Variants in CALB1 observed in about 807,000 individuals in gnomAD.
CALB1 encodes the protein calbindin.
A neutral mutation model predicts 46.7 loss-of-function variants in CALB1; 16 were observed. The ratio of observed to expected loss-of-function variants is 0.34; its 90% CI spans 0.23 to 0.52. The LOEUF is 0.52. Among genes scored for constraint, CALB1 ranks in the 20% least tolerant of loss-of-function variants. The pLI is 0.95. For synonymous variants in CALB1, 90 were observed against 112.8 expected, an observed-to-expected ratio of 0.80 and a Z score of 1.28; for missense variants, 224 against 300.3, an observed-to-expected ratio of 0.75 and a Z score of 1.88.
chr8:90,060,615 G>A lies in CALB1; in HGVS notation c.672+14C>T. ...GTCTGCTTAAAGAAGTAAGTGCCATGGTAACTAAGTTACCTGTTTATTCTT... is the reference window on the plus strand; with the variant it reads ...GTCTGCTTAAAGAAGTAAGTGCCATAGTAACTAAGTTACCTGTTTATTCTT... On this transcript the variant is annotated intron_variant, in intron 10 of 10. Transcript: ENST00000265431. The A allele has an allele frequency of 1.2e-6, 2 of 1,605,416 alleles. No individual in the cohort carries two copies. The highest frequency in any genetic ancestry group is 2.2e-5 in the East Asian group (1 of 44,810).
At chr8:90,072,734 G>A (rs965843242) in intron 3 of CALB1, among the ~76,000 whole-genome samples, 5 of 152,166 alleles carry the variant, frequency 3.3e-5, no homozygotes, top group African/African-American at 1.2e-4. Flanking sequence ...GAGGTGTTAA[G>A]TAGAGTTGCT....
intron 1 of CALB1, 119 bp downstream of exon 1, chr8:90,082,500 G>C: frequency 1.2e-6 from 1 of 824,858 alleles, no homozygotes; most frequent in Non-Finnish European, 2.1e-6. Flanking sequence ...TAGGCAGAAG[G>C]GGGAAGAAGT....
In CALB1 at chr8:90,058,880, CTG is replaced by C. The variant is rs1455723614; in HGVS notation, c.*1291_*1292del. ...ACGATCATTAACTCCTAGGCAGTAA[CTG>C]TAAATTTCACATGGACACATCTCTC... On this transcript the variant is annotated 3_prime_UTR_variant, in exon 11 of 11. Coordinates refer to ENST00000265431, the MANE Select transcript of CALB1 (RefSeq NM_004929.4). The C allele has an allele frequency of 6.6e-6, 1 of 152,158 alleles. No homozygotes were observed. The highest frequency in any genetic ancestry group is 1.5e-5 in the Non-Finnish European group (1 of 68,018). 9.4% of individuals were successfully genotyped at this position (152,158 alleles called of 1,614,324 possible). A position where few individuals can be genotyped will look rare whatever the true frequency, so the allele number is the denominator to read the frequency against.
At position 90,063,136 on chromosome 8, in the gene CALB1, C is replaced by T. The variant is rs748236538; in HGVS notation, c.564G>A (p.Gly188=). The T allele has an allele frequency of 3.7e-6, 6 of 1,608,296 alleles. No homozygotes were observed. In the East Asian group the frequency reaches 1.3e-4, roughly 36 times the overall value. ...GCTCAAAAGCCTTATTGAACTCTTT[C>T]CCACACATTTTGATTCCCTAAAGAT... ...LLKFQGIKMC[G]KEFNKAFELY... The change falls in exon 9 of 11, where the codon GGG becomes GGA. Residue 188 remains glycine (G), a synonymous_variant. Coordinates refer to ENST00000265431, the MANE Select transcript of CALB1 (RefSeq NM_004929.4).
At chr8:90,073,140 G>A (rs1370452447) in intron 3 of CALB1, among the ~76,000 whole-genome samples, 1 of 152,142 alleles carries the variant, frequency 6.6e-6, no homozygotes, top group East Asian at 1.9e-4. Context: ...ATATATAAAG[G>A]TAATTAACTA....
chr8:90,079,200 C>T lies in CALB1; in HGVS notation c.157-753G>A, dbSNP rs949366373. ...TCCTTGGGAAAGCAAATTAAGGTCTCGGTTTTCATCATAGCTAACAAGATG... is the reference window on the plus strand; with the variant it reads ...TCCTTGGGAAAGCAAATTAAGGTCTTGGTTTTCATCATAGCTAACAAGATG... On this transcript the variant is annotated intron_variant, in intron 2 of 10. Transcript: ENST00000265431. 4.6e-5 allele frequency among the ~76,000 whole-genome samples: 7 copies of T among 151,864 alleles called. No individual in the cohort carries two copies. The South Asian group carries it at 8.3e-4, about 18-fold the overall frequency.
intron 1 of CALB1, 189 bp downstream of exon 1, chr8:90,082,430 A>C: frequency 1.6e-6 from 1 of 627,564 alleles, no homozygotes; most frequent in South Asian, 2.0e-5. Context: ...TACGGTGGAA[A>C]CAATATAAAC....
chr8:90,076,200 C>G (rs570278606), intron 3 of CALB1, among the ~76,000 whole-genome samples: 33 of 152,194 alleles, frequency 2.2e-4, no homozygotes, highest in African/African-American at 7.0e-4. Context: ...CTCTGCAGAA[C>G]ACTTTGTGCA....
Position 90,081,981 on chromosome 8 carries a change from TG to T in CALB1, c.156+44del. 2.7e-6 allele frequency: 4 copies of T among 1,507,650 alleles called. No homozygotes were observed. In the South Asian group the frequency reaches 3.5e-5, roughly 13 times the overall value. 93.4% of individuals were successfully genotyped at this position (1,507,650 alleles called of 1,614,324 possible). A position where few individuals can be genotyped will look rare whatever the true frequency, so the allele number is the denominator to read the frequency against. On this transcript the variant is annotated intron_variant, in intron 2 of 10. Transcript: ENST00000265431. ...GTGAAAACACAAGAATGTTTTAATT[TG>T]GGGGTTAAAAGTCTTTTTTTCTTTT...
intron 3 of CALB1, among the ~76,000 whole-genome samples, chr8:90,075,504 C>G (rs974660568): frequency 1.3e-5 from 2 of 151,996 alleles, no homozygotes; most frequent in Non-Finnish European, 1.5e-5. Context: ...TCCTTTATAG[C>G]TGGCTAGAAT....
In CALB1 at chr8:90,078,595, G is replaced by A. The variant is rs557897075; in HGVS notation, c.157-148C>T. ...ATTAACTATTCTCAAAAAAATTAAA[G>A]GCATAACTGATACACAGTATTTATT... is the stretch of plus-strand genomic sequence containing the variant. On this transcript the variant is annotated intron_variant, in intron 2 of 10. Transcript: ENST00000265431. 3.6e-4 allele frequency: 199 copies of A among 555,388 alleles called. 1 individual carries two copies. The South Asian group carries it at 4.0e-3, about 11-fold the overall frequency. 34.4% of individuals were successfully genotyped at this position (555,388 alleles called of 1,614,324 possible). A position where few individuals can be genotyped will look rare whatever the true frequency, so the allele number is the denominator to read the frequency against.
chr8:90,080,546 G>T (rs1337868214), intron 2 of CALB1, among the ~76,000 whole-genome samples: 1 of 151,892 alleles, frequency 6.6e-6, no homozygotes, highest in African/African-American at 2.4e-5. Context: ...GATATATAAA[G>T]CTATAATGAC....
intron 3 of CALB1, among the ~76,000 whole-genome samples, chr8:90,075,574 T>G (rs940006427): frequency 6.6e-6 from 1 of 152,136 alleles, no homozygotes; most frequent in Non-Finnish European, 1.5e-5. Context: ...TATGTCAAAT[T>G]GGAAAAAGAA....
At chr8:90,061,632 T>C (rs1258286631) in intron 9 of CALB1, 2 of 151,966 alleles carry the variant, frequency 1.3e-5, no homozygotes, top group Non-Finnish European at 2.9e-5. Flanking sequence ...AAGAATAAAA[T>C]ACTTAGGAAT....
In CALB1 at chr8:90,082,086, T is replaced by G; in HGVS notation, c.96A>C (p.Glu32Asp). The change falls in exon 2 of 11, where the codon GAA becomes GAC. Residue 32 changes from glutamate to aspartate, a missense_variant. By Grantham distance (45) the Glu-to-Asp change is conservative (BLOSUM62 2). Transcript: ENST00000265431. ...HFDADGSGYL[E>D]GKELQNLIQE... Reference sequence around the variant, plus strand: ...GGATCAAGTTCTGCAGCTCCTTTCCTTCCAGGTAACCACTTCCTGCAAAGA... The same window carrying G: ...GGATCAAGTTCTGCAGCTCCTTTCCGTCCAGGTAACCACTTCCTGCAAAGA... 2.5e-6 allele frequency: 4 copies of G among 1,614,076 alleles called. No individual in the cohort carries two copies. Among genetic ancestry groups the G allele is most frequent in the Non-Finnish European group, 3.4e-6 (4 of 1,179,956 alleles).
chr8:90,071,205 A>C (rs1814509268), intron 3 of CALB1, among the ~76,000 whole-genome samples: 1 of 152,194 alleles, frequency 6.6e-6, no homozygotes, highest in Non-Finnish European at 1.5e-5. Context: ...TGATTTTTAC[A>C]CGTGACAATG....
Position 90,069,148 on chromosome 8 carries a change from T to C in CALB1, c.315+6A>G. 6.2e-7 allele frequency: 1 copy of C among 1,613,774 alleles called. No individual in the cohort carries two copies. Among genetic ancestry groups the C allele is most frequent in the Non-Finnish European group, 8.5e-7 (1 of 1,179,674 alleles). ...CAGCTTTCTTAAAGGGGCAGCTTTCTTATACCTTCATGAATTCCTCACAGG... is the reference window on the plus strand; with the variant it reads ...CAGCTTTCTTAAAGGGGCAGCTTTCCTATACCTTCATGAATTCCTCACAGG... On this transcript the variant is annotated splice_donor_region_variant and intron_variant, in intron 4 of 10. Transcript: ENST00000265431.
In CALB1 at chr8:90,063,337, A is replaced by G. The variant is rs373696734; in HGVS notation, c.507-17T>C. On this transcript the variant is annotated splice_polypyrimidine_tract_variant and intron_variant, in intron 7 of 10. Transcript: ENST00000265431. Reference sequence around the variant, plus strand: ...GGTAGTAACCTTTTGAGAGAAAAACATTATATTAATATATTACATTTTTTG... The same window carrying G: ...GGTAGTAACCTTTTGAGAGAAAAACGTTATATTAATATATTACATTTTTTG... 3 of 1,584,018 alleles carry G rather than the reference A, an allele frequency of 1.9e-6. No individual in the cohort carries two copies. The highest frequency in any genetic ancestry group is 1.4e-5 in the African/African-American group (1 of 73,772).
At chr8:90,079,174 G>A (rs10098170) in intron 2 of CALB1, among the ~76,000 whole-genome samples, 11,626 of 151,772 alleles carry the variant, frequency 0.077, 1,282 homozygotes, top group African/African-American at 0.24. Flanking sequence ...TCTATTCTAC[G>A]TCCTTGGGAA....
Sources: allele counts gnomAD v4.1 joint callset (sites outside exome capture counted in the v4.1 genomes callset), GRCh38; gene constraint gnomAD v4.1.1; transcripts MANE v1.5; gene names NCBI Gene and HGNC (gene_info 2026-07-23, HGNC 2026-07-21).